SCHIP1: variants seen among roughly 807,000 people sequenced by gnomAD.
SCHIP1 encodes the protein schwannomin-interacting protein 1.
A neutral mutation model predicts 29.7 loss-of-function variants in SCHIP1; 8 were observed. The observed-to-expected ratio is 0.27, with a 90% CI of 0.16 to 0.49. SCHIP1 has a LOEUF of 0.49. Ranked by LOEUF, SCHIP1 falls within the 20% of genes least tolerant of loss-of-function variation. The probability of loss-of-function intolerance (pLI) is 0.99; values close to 1 mark genes in which losing one functional copy is unlikely to be tolerated. For synonymous variants in SCHIP1, 76 were observed against 94.9 expected (o/e 0.80, Z 1.16); for missense variants, 193 against 294.6 (o/e 0.66, Z 2.52).
the SCHIP1 span, among the ~76,000 whole-genome samples, chr3:159,437,635 A>T: frequency 5.4e-5 from 8 of 148,210 alleles, no homozygotes; most frequent in East Asian, 2.0e-4. Flanking sequence ...TTCGTCTTTT[A>T]AAAAAAAAAA....
chr3:159,327,377 C>A, the SCHIP1 span, among the ~76,000 whole-genome samples: 15 of 152,276 alleles, frequency 9.9e-5, no homozygotes, highest in African/African-American at 3.1e-4. Context: ...CCTAGTAATT[C>A]TTGGCTCAGG....
At chr3:159,787,032 G>A in the SCHIP1 span, among the ~76,000 whole-genome samples, 1 of 152,098 alleles carries the variant, frequency 6.6e-6, no homozygotes, top group Non-Finnish European at 1.5e-5. Flanking sequence ...TTGACTTTGG[G>A]TCTGATTAGA....
chr3:159,355,057 G>T, the SCHIP1 span, among the ~76,000 whole-genome samples: 2 of 152,220 alleles, frequency 1.3e-5, 1 homozygote, highest in South Asian at 4.2e-4. Context: ...TAGAAGGTTT[G>T]CCACTGCTGT....
chr3:159,324,733 A>C, the SCHIP1 span, among the ~76,000 whole-genome samples: 20 of 152,248 alleles, frequency 1.3e-4, no homozygotes, highest in African/African-American at 4.1e-4. Context: ...TCTCTTATGG[A>C]GGATTAATAA....
chr3:159,816,265 A>G, the SCHIP1 span, among the ~76,000 whole-genome samples: 1 of 149,620 alleles, frequency 6.7e-6, no homozygotes, highest in Non-Finnish European at 1.5e-5. Context: ...GTCCTTTTTT[A>G]AAATGTATTT....
At chr3:159,559,724 C>G in the SCHIP1 span, among the ~76,000 whole-genome samples, 7 of 152,174 alleles carry the variant, frequency 4.6e-5, no homozygotes, top group African/African-American at 1.7e-4. Context: ...AGAGTTCCCT[C>G]ATGCCCTTTT....
chr3:159,882,324 C>A (rs890156641), intron 2 of SCHIP1, among the ~76,000 whole-genome samples: 1 of 152,080 alleles, frequency 6.6e-6, no homozygotes, highest in South Asian at 2.1e-4. Flanking sequence ...TAAAGTGAAC[C>A]AAAGTGCTGT....
the SCHIP1 span, among the ~76,000 whole-genome samples, chr3:159,298,076 T>C: frequency 1.3e-5 from 2 of 152,338 alleles, no homozygotes; most frequent in South Asian, 2.1e-4. Context: ...TGTATCCTCA[T>C]TGTCCAGAGA....
the SCHIP1 span, among the ~76,000 whole-genome samples, chr3:159,806,168 C>T: frequency 6.6e-6 from 1 of 151,948 alleles, no homozygotes; most frequent in Non-Finnish European, 1.5e-5. Flanking sequence ...GCATGTTATA[C>T]GAATGGGAAA....
the SCHIP1 span, among the ~76,000 whole-genome samples, chr3:159,478,495 G>A: frequency 6.6e-6 from 1 of 151,988 alleles, no homozygotes; most frequent in East Asian, 1.9e-4. Flanking sequence ...TCTATAATAT[G>A]TTTTAAAATC....
At chr3:159,852,545 A>G (rs1712780528) in intron 1 of SCHIP1, among the ~76,000 whole-genome samples, 1 of 152,198 alleles carries the variant, frequency 6.6e-6, no homozygotes, top group African/African-American at 2.4e-5. Context: ...ACCAGAAGCC[A>G]TGGGAAAAGT....
At chr3:159,585,472 G>C in the SCHIP1 span, among the ~76,000 whole-genome samples, 17 of 152,092 alleles carry the variant, frequency 1.1e-4, no homozygotes, top group Admixed American at 3.9e-4. Flanking sequence ...TGGAAGGATG[G>C]AGATAAAAGG....
chr3:159,793,668 G>A, the SCHIP1 span, among the ~76,000 whole-genome samples: 14 of 151,910 alleles, frequency 9.2e-5, no homozygotes, highest in South Asian at 2.1e-4. Flanking sequence ...AGTGATTCTC[G>A]TGCCTCAGCC....
At chr3:159,511,248 G>A in the SCHIP1 span, among the ~76,000 whole-genome samples, 1 of 152,234 alleles carries the variant, frequency 6.6e-6, no homozygotes, top group Non-Finnish European at 1.5e-5. Flanking sequence ...AGGCTCCATG[G>A]GCGTTGGACC....
the SCHIP1 span, among the ~76,000 whole-genome samples, chr3:159,358,189 G>A: frequency 2.6e-5 from 4 of 152,104 alleles, no homozygotes; most frequent in Admixed American, 1.3e-4. Flanking sequence ...GGGTAGGGAA[G>A]GCCAGCAGTC....
At chr3:159,374,618 C>A in the SCHIP1 span, among the ~76,000 whole-genome samples, 2 of 152,278 alleles carry the variant, frequency 1.3e-5, no homozygotes, top group East Asian at 3.9e-4. Flanking sequence ...TTAGAAGTTA[C>A]AGAAATATGT....
chr3:159,339,172 T>C, the SCHIP1 span, among the ~76,000 whole-genome samples: 872 of 151,898 alleles, frequency 5.7e-3, 3 homozygotes, highest in African/African-American at 0.02. Flanking sequence ...TACTATATTA[T>C]GAGCCCCTTT....
the SCHIP1 span, among the ~76,000 whole-genome samples, chr3:159,588,424 A>G: frequency 6.6e-6 from 1 of 151,958 alleles, no homozygotes; most frequent in Admixed American, 6.6e-5. Flanking sequence ...TTGCCAGTTC[A>G]CTCTGATGGT....
the SCHIP1 span, among the ~76,000 whole-genome samples, chr3:159,511,404 C>A: frequency 6.6e-6 from 1 of 152,184 alleles, no homozygotes. Context: ...CTCCCTGACC[C>A]CTTGCGCTTC....
Sources: gnomAD v4.1 joint callset for allele counts (sites outside exome capture counted in the v4.1 genomes callset) on GRCh38, gnomAD v4.1.1 for gene constraint, MANE v1.5 for transcripts, NCBI Gene and HGNC (gene_info 2026-07-23, HGNC 2026-07-21) for gene names.